CSMD2: variants seen among roughly 807,000 people sequenced by gnomAD.
CSMD2 encodes the protein CUB and sushi domain-containing protein 2.
Under a neutral mutation model 398.5 loss-of-function variants are expected in CSMD2, and 130 were observed. That is an observed-to-expected ratio of 0.33 (90% CI 0.28 to 0.38). CSMD2 has a LOEUF of 0.38. CSMD2 is among the 10% of genes least tolerant of loss of function. The probability of loss-of-function intolerance (pLI) is 1.00; values close to 1 mark genes in which losing one functional copy is unlikely to be tolerated. For missense variants in CSMD2, 3,829 were observed against 4,764.9 expected, an observed-to-expected ratio of 0.80 and a Z score of 5.78; for synonymous variants, 1,828 against 1,908.5, an observed-to-expected ratio of 0.96 and a Z score of 1.10.
intron 58 of CSMD2, among the ~76,000 whole-genome samples, chr1:33,541,727 T>C (rs995983892): frequency 6.6e-6 from 1 of 152,212 alleles, no homozygotes. Flanking sequence ...GCTATGAAGA[T>C]TCACCTTATT....
chr1:33,925,494 T>C (rs565168127), intron 4 of CSMD2, among the ~76,000 whole-genome samples: 1 of 152,354 alleles, frequency 6.6e-6, no homozygotes, highest in South Asian at 2.1e-4. Context: ...TCCAGCTTTG[T>C]TCTTTTTGCT....
chr1:33,934,028 G>A (rs946547298), intron 4 of CSMD2, among the ~76,000 whole-genome samples: 3 of 152,198 alleles, frequency 2.0e-5, no homozygotes, highest in African/African-American at 7.2e-5. Flanking sequence ...TTGGGAAGAA[G>A]GGGAATAGGT....
intron 5 of CSMD2, chr1:33,878,268 T>C (rs1558042788): frequency 6.6e-6 from 1 of 152,250 alleles, no homozygotes; most frequent in Non-Finnish European, 1.5e-5. Context: ...CAGTAGACGA[T>C]GAGGCCAGCA....
At chr1:33,830,114 T>G (rs1659340017) in intron 6 of CSMD2, among the ~76,000 whole-genome samples, 4 of 152,236 alleles carry the variant, frequency 2.6e-5, no homozygotes, top group Non-Finnish European at 1.5e-5. Context: ...CAGTAACCTC[T>G]GCAGACTTAA....
rs183883159 is a variant in CSMD2 at position 34,131,299 on chromosome 1, C to T, written c.187+33612G>A. Reference sequence around the variant, plus strand: ...AAGTACTAGACAAGAATGAATTATACCTGACCCAAAGTCAAAGTTCTGTCT... The same window carrying T: ...AAGTACTAGACAAGAATGAATTATATCTGACCCAAAGTCAAAGTTCTGTCT... On this transcript the variant is annotated intron_variant, in intron 1 of 70. Coordinates refer to ENST00000373381, the MANE Select transcript of CSMD2 (RefSeq NM_001281956.2). 1.4e-3 allele frequency among the ~76,000 whole-genome samples: 217 copies of T among 152,270 alleles called. 1 individual carries two copies. Among genetic ancestry groups the T allele is most frequent in the Middle Eastern group, 3.4e-3 (1 of 294 alleles).
intron 10 of CSMD2, among the ~76,000 whole-genome samples, chr1:33,802,516 C>G (rs1557918049): frequency 6.6e-6 from 1 of 152,208 alleles, no homozygotes; most frequent in Non-Finnish European, 1.5e-5. Flanking sequence ...TGGAGGGCCC[C>G]AGTCCCTGGG....
intron 25 of CSMD2, among the ~76,000 whole-genome samples, chr1:33,678,108 T>G (rs973620933): frequency 6.6e-6 from 1 of 151,510 alleles, no homozygotes; most frequent in Non-Finnish European, 1.5e-5. Context: ...TAAAGTATAA[T>G]AATAATAAAA....
At chr1:33,657,886 G>C in intron 27 of CSMD2, 60 bp downstream of exon 27, 1 of 1,502,306 alleles carries the variant, frequency 6.7e-7, no homozygotes, top group Non-Finnish European at 9.2e-7. Context: ...TGCATGGAAG[G>C]TTCTGGAGCA....
intron 67 of CSMD2, 66 bp from the exon 68 acceptor site, chr1:33,521,616 A>C: frequency 1.0e-6 from 1 of 1,004,704 alleles, no homozygotes; most frequent in Non-Finnish European, 1.6e-6. Context: ...CTCCTCTCTC[A>C]TCATACACGC....
intron 5 of CSMD2, among the ~76,000 whole-genome samples, chr1:33,908,899 T>C (rs1038254169): frequency 6.6e-6 from 1 of 152,212 alleles, no homozygotes; most frequent in Admixed American, 6.5e-5. Context: ...GCTTGGCTCC[T>C]GATGGATACA....
intron 1 of CSMD2, among the ~76,000 whole-genome samples, chr1:34,089,757 C>T (rs977320015): frequency 2.0e-5 from 3 of 152,124 alleles, no homozygotes; most frequent in Admixed American, 1.3e-4. Context: ...CTTCCCTACT[C>T]TTCAAGAACA....
At chr1:33,703,914 G>C (rs1387885327) in intron 22 of CSMD2, among the ~76,000 whole-genome samples, 1 of 152,110 alleles carries the variant, frequency 6.6e-6, no homozygotes, top group Non-Finnish European at 1.5e-5. Context: ...GTAAATCCTT[G>C]ATCGCCATTG....
intron 5 of CSMD2, among the ~76,000 whole-genome samples, chr1:33,901,454 G>C (rs1170684905): frequency 6.6e-6 from 1 of 152,244 alleles, no homozygotes; most frequent in African/African-American, 2.4e-5. Flanking sequence ...TGCTCTGAAA[G>C]AGTTCATGTT....
rs965115121 is a variant in CSMD2, at chr1:33,580,954, C to T, written c.7241-55G>A. On this transcript the variant is annotated intron_variant, in intron 47 of 70. Transcript: ENST00000373381. ...CCATGGGAGCCATCACAGGGAGCCT[C>T]CAGGGAAGACCTCAGGGCTCAGAGG... is the stretch of plus-strand genomic sequence containing the variant. 2.5e-6 allele frequency: 4 copies of T among 1,583,862 alleles called. No homozygotes were observed. The East Asian group carries it at 9.0e-5, about 36-fold the overall frequency.
intron 15 of CSMD2, among the ~76,000 whole-genome samples, chr1:33,738,854 C>T (rs1646965426): frequency 6.6e-6 from 1 of 152,218 alleles, no homozygotes; most frequent in Non-Finnish European, 1.5e-5. Flanking sequence ...ATCTTAATGG[C>T]TGTGATACCG....
chr1:33,605,236 C>T (rs773450419), intron 42 of CSMD2, 46 bp downstream of exon 42: 10 of 1,573,744 alleles, frequency 6.4e-6, no homozygotes, highest in African/African-American at 1.3e-5. Flanking sequence ...GACCAGTCTC[C>T]ACGAGTACCC....
At chr1:34,139,780 G>A (rs958883294) in intron 1 of CSMD2, among the ~76,000 whole-genome samples, 10 of 152,248 alleles carry the variant, frequency 6.6e-5, no homozygotes, top group African/African-American at 1.9e-4. Flanking sequence ...TTAGCACAGC[G>A]GCTGGAGCAC....
At chr1:33,685,628 C>T (rs1000864985) in intron 25 of CSMD2, among the ~76,000 whole-genome samples, 2 of 152,202 alleles carry the variant, frequency 1.3e-5, no homozygotes, top group African/African-American at 4.8e-5. Flanking sequence ...GCTCCAGCCA[C>T]GTCAAGTGAG....
chr1:33,824,489 A>C (rs1482700595), intron 7 of CSMD2, among the ~76,000 whole-genome samples: 3 of 152,208 alleles, frequency 2.0e-5, no homozygotes, highest in Non-Finnish European at 2.9e-5. Context: ...GACCACAGAC[A>C]ATCCCCAACC....
Sources: allele counts gnomAD v4.1 joint callset (sites outside exome capture counted in the v4.1 genomes callset), GRCh38; gene constraint gnomAD v4.1.1; transcripts MANE v1.5; gene names NCBI Gene and HGNC (gene_info 2026-07-23, HGNC 2026-07-21).